The following CD63 variants were observed in gnomAD, a reference collection of about 807,000 sequenced individuals.
CD63 encodes CD63 antigen.
Under a neutral mutation model 29.2 loss-of-function variants are expected in CD63, and 16 were observed. The ratio of observed to expected loss-of-function variants is 0.55; its 90% CI spans 0.37 to 0.83. The LOEUF (loss-of-function observed/expected upper bound fraction) is 0.83. Among genes scored for constraint, CD63 ranks in the 40% least tolerant of loss-of-function variants. The pLI, the probability that CD63 is intolerant of heterozygous loss-of-function variation, is 0.00. For synonymous variants in CD63, 118 were observed against 111.7 expected, an observed-to-expected ratio of 1.06 and a Z score of -0.36; for missense variants, 251 against 297.3, an observed-to-expected ratio of 0.84 and a Z score of 1.15.
chr12:55,727,734 C>A, intron 2 of CD63: 1 of 1,035,824 alleles, frequency 9.7e-7, no homozygotes, highest in South Asian at 3.8e-5. Context: ...GTTCCTCTGG[C>A]CAGTTAGGCC....
At chr12:55,729,083 G>A, upstream of CD63, 1 of 984,946 alleles carries the variant, frequency 1.0e-6, no homozygotes, top group Non-Finnish European at 1.2e-6. Context: ...CCCCTCCCCC[G>A]CCGAGTGGCC....
At chr12:55,724,815 C>T, downstream of CD63, 1 of 541,632 alleles carries the variant, frequency 1.8e-6, no homozygotes, top group Admixed American at 3.1e-5. Flanking sequence ...CAGGGAACTG[C>T]CTCACATCTA....
chr12:55,724,753 G>A, downstream of CD63: 1 of 636,176 alleles, frequency 1.6e-6, no homozygotes, highest in East Asian at 2.8e-5. Context: ...CATGCTCACG[G>A]TCTCTGGCCT....
At position 55,728,013 on chromosome 12, in the gene CD63, A is replaced by C; in HGVS notation, c.66+263T>G. ...TGGTTGCCCCACTGCCCCATATCACAAGTGGTTGGGTCACCAGACAGGAAG... is the reference window on the plus strand; with the variant it reads ...TGGTTGCCCCACTGCCCCATATCACCAGTGGTTGGGTCACCAGACAGGAAG... On this transcript the variant is annotated intron_variant, in intron 2 of 7. Transcript: ENST00000257857. This position sits in a 1 kb window ranked among gnomAD's most constrained non-coding sequence, Gnocchi z 4.8. The C allele has an allele frequency of 2.1e-6, 2 of 961,096 alleles. No homozygotes were observed. Among genetic ancestry groups the C allele is most frequent in the Non-Finnish European group, 1.4e-6 (1 of 691,152 alleles). 59.5% of individuals were successfully genotyped at this position (961,096 alleles called of 1,614,324 possible).
downstream of CD63, chr12:55,723,679 G>T (rs1385560897): frequency 5.0e-6 from 3 of 595,040 alleles, no homozygotes; most frequent in Non-Finnish European, 8.9e-6. Context: ...AAAACGTGCT[G>T]ACCCCTGCTC....
chr12:55,728,249 C>G lies in CD63; in HGVS notation c.66+27G>C, dbSNP rs771786015. ...CAGGTCTCCCCGCACCCTGCCGGCG[C>G]GCCCCCCAGGACCCCTCGCCACTCA... On this transcript the variant is annotated intron_variant, in intron 2 of 7. Transcript: ENST00000257857. The surrounding 1 kb of genome is among the most constrained non-coding windows in gnomAD (Gnocchi z 4.8). 7.5e-6 allele frequency: 12 copies of G among 1,593,362 alleles called. No homozygotes were observed. The African/African-American group carries it at 1.6e-4, about 21-fold the overall frequency.
downstream of CD63, chr12:55,723,961 G>A (rs1443118666): frequency 1.2e-6 from 2 of 1,613,992 alleles, no homozygotes; most frequent in Non-Finnish European, 1.7e-6. Context: ...TGACCAACCT[G>A]GAGAGTCTGG....
In CD63 at chr12:55,728,250, G is replaced by A; in HGVS notation, c.66+26C>T. On this transcript the variant is annotated intron_variant, in intron 2 of 7. Coordinates refer to ENST00000257857, the MANE Select transcript of CD63 (RefSeq NM_001780.6). The surrounding 1 kb of genome is among the most constrained non-coding windows in gnomAD (Gnocchi z 4.8). Reference sequence around the variant, plus strand: ...AGGTCTCCCCGCACCCTGCCGGCGCGCCCCCCAGGACCCCTCGCCACTCAC... The same window carrying A: ...AGGTCTCCCCGCACCCTGCCGGCGCACCCCCCAGGACCCCTCGCCACTCAC... 1 of 1,593,084 alleles carries A rather than the reference G, an allele frequency of 6.3e-7. No individual in the cohort carries two copies.
chr12:55,729,146 C>T (rs1341066607), upstream of CD63: 5 of 985,156 alleles, frequency 5.1e-6, 1 homozygote, highest in Admixed American at 1.2e-4. Flanking sequence ...TCACTGGGCC[C>T]GGCGCGGGGT....
Position 55,728,809 on chromosome 12 carries a change from A to T in CD63, c.-12+144T>A. The T allele has an allele frequency of 2.0e-6, 2 of 977,600 alleles. No homozygotes were observed. The highest frequency in any genetic ancestry group is 9.0e-5 in the South Asian group (2 of 22,134). 60.6% of individuals were successfully genotyped at this position (977,600 alleles called of 1,614,324 possible). Reference sequence around the variant, plus strand: ...CCCCCGCCACACCCTGCCCGGGCCCAGGGAACTTCGAAGCAAAGTTGCTCC... The same window carrying T: ...CCCCCGCCACACCCTGCCCGGGCCCTGGGAACTTCGAAGCAAAGTTGCTCC... On this transcript the variant is annotated intron_variant, in intron 1 of 7. Transcript: ENST00000257857. The surrounding 1 kb of genome is among the most constrained non-coding windows in gnomAD (Gnocchi z 4.8).
chr12:55,724,668 A>AAAT (rs1427078352), downstream of CD63: 53 of 973,488 alleles, frequency 5.4e-5, no homozygotes, highest in Admixed American at 1.0e-3. Context: ...ATTGTTTAAA[A>AAAT]AATAAAAAGA....
chr12:55,729,794 A>T (rs1195033674), upstream of CD63: 1 of 152,278 alleles, frequency 6.6e-6, no homozygotes, highest in African/African-American at 2.4e-5. Context: ...CCTCCCAGAC[A>T]GCTCCTGCAT....
In CD63 at chr12:55,726,268, G is replaced by A; in HGVS notation, c.427-7C>T. On this transcript the variant is annotated splice_region_variant and splice_polypyrimidine_tract_variant and intron_variant, in intron 5 of 7. Coordinates refer to ENST00000257857, the MANE Select transcript of CD63 (RefSeq NM_001780.6). Reference sequence around the variant, plus strand: ...CAGCCCCACAGCACTTAAACTGGGGGAGGGAAGAAATATGGAGAAGAAGGT... The same window carrying A: ...CAGCCCCACAGCACTTAAACTGGGGAAGGGAAGAAATATGGAGAAGAAGGT... 4 of 1,612,826 alleles carry A rather than the reference G, an allele frequency of 2.5e-6. No homozygotes were observed. The highest frequency in any genetic ancestry group is 1.1e-5 in the South Asian group (1 of 90,902).
At chr12:55,724,470 C>T (rs1412976313), downstream of CD63, 6 of 1,613,864 alleles carry the variant, frequency 3.7e-6, no homozygotes, top group African/African-American at 5.3e-5. Context: ...GGCTGCCTGC[C>T]TCCTACCTGC....
In CD63 at chr12:55,728,730, T is replaced by G; in HGVS notation, c.-12+223A>C. On this transcript the variant is annotated intron_variant, in intron 1 of 7. Transcript: ENST00000257857. The surrounding 1 kb of genome is among the most constrained non-coding windows in gnomAD (Gnocchi z 4.8). ...ACCCCGACCCCCGCCCCAGCCCCTT[T>G]CCCCTGGGCTCTGACCTCCCCGCCC... The G allele has an allele frequency of 1.0e-6, 1 of 991,588 alleles. No homozygotes were observed. The highest frequency in any genetic ancestry group is 1.2e-6 in the Non-Finnish European group (1 of 836,456). The allele number at this position is 991,588 out of a possible 1,614,324, so 61.4% of individuals were successfully genotyped here.
chr12:55,725,275 A>C, downstream of CD63: 1 of 490,062 alleles, frequency 2.0e-6, no homozygotes, highest in Non-Finnish European at 3.7e-6. Flanking sequence ...ACTAGGGGGC[A>C]GAAAGCACCA....
Position 55,728,587 on chromosome 12 carries a change from G to T in CD63, c.-11-235C>A. The T allele has an allele frequency of 7.3e-7, 1 of 1,375,856 alleles. No individual in the cohort carries two copies. The highest frequency in any genetic ancestry group is 9.4e-7 in the Non-Finnish European group (1 of 1,065,390). 85.2% of individuals were successfully genotyped at this position (1,375,856 alleles called of 1,614,324 possible). A position where few individuals can be genotyped will look rare whatever the true frequency, so the allele number is the denominator to read the frequency against. On this transcript the variant is annotated intron_variant, in intron 1 of 7. Coordinates refer to ENST00000257857, the MANE Select transcript of CD63 (RefSeq NM_001780.6). The surrounding 1 kb of genome is among the most constrained non-coding windows in gnomAD (Gnocchi z 4.8). ...CCCGCCGCCTCTGGGGCCCAGGACA[G>T]ATCCAAGGGCGCCGGCAGGGGCTTG...
In CD63 at chr12:55,727,271, C is replaced by G. The variant is rs755977795; in HGVS notation, c.135G>C (p.Gln45His). The change falls in exon 3 of 8, where the codon CAG becomes CAC. Residue 45 changes from glutamine to histidine, a missense_variant. By Grantham distance (24) the Gln-to-His change is conservative. Transcript: ENST00000257857. Reference protein sequence around the residue: ...AQLVLSQTIIQGATPGSLLPV... With the variant: ...AQLVLSQTIIHGATPGSLLPV... ...GCAACAGAGAGCCAGGGGTAGCCCC[C>G]TGGATTATGGTCTGACTCAGGACAA... is the stretch of plus-strand genomic sequence containing the variant. 5.0e-6 allele frequency: 8 copies of G among 1,613,932 alleles called. No individual in the cohort carries two copies. In the East Asian group the frequency reaches 6.7e-5, roughly 13 times the overall value.
chr12:55,724,851 CA>C (rs1877134798), downstream of CD63: 2 of 498,630 alleles, frequency 4.0e-6, no homozygotes, highest in Non-Finnish European at 7.3e-6. Flanking sequence ...GAGTGGCCAT[CA>C]AAGGGCACTT....
Sources: allele counts gnomAD v4.1 joint callset, GRCh38; gene constraint gnomAD v4.1.1; non-coding constraint Gnocchi (gnomAD v3.1); transcripts MANE v1.5; gene names NCBI Gene and HGNC (gene_info 2026-07-23, HGNC 2026-07-21).